DOC2B: variants seen among roughly 807,000 people sequenced by gnomAD.
DOC2B encodes the protein double C2 domain beta, also known as double C2-like domain-containing protein beta.
In DOC2B, 21 loss-of-function variants were observed where a neutral mutation model predicts 28.9. The observed-to-expected ratio is 0.73, with a 90% CI of 0.52 to 1.05. DOC2B has a LOEUF of 1.05. Among genes scored for constraint, DOC2B ranks in the 50% least tolerant of loss-of-function variants. The pLI is 0.00. For synonymous variants in DOC2B, 194 were observed against 178.1 expected, an observed-to-expected ratio of 1.09 and a Z score of -0.71; for missense variants, 384 against 421.1, an observed-to-expected ratio of 0.91 and a Z score of 0.77.
At position 172,606 on chromosome 17, in the gene DOC2B, G is replaced by A. The variant is rs1459369226; in HGVS notation, c.384C>T (p.Gly128=). ...CATACAGCAGGCTGAAGTCCAGCGT[G>A]CCCAGGGCAGCTGCGGACAGAGGAG... ...GYESDDCTAL[G]TLDFSLLYDQ... The change falls in exon 2 of 9, where the codon GGC becomes GGT. Residue 128 remains glycine, a synonymous_variant. Transcript: ENST00000613549. 4 of 1,550,626 alleles carry A rather than the reference G, an allele frequency of 2.6e-6. No homozygotes were observed. Among genetic ancestry groups the A allele is most frequent in the East Asian group, 2.4e-5 (1 of 40,916 alleles).
rs113389073 is a variant in DOC2B, at chr17:161,663, G to A, written c.639-122C>T. On this transcript the variant is annotated intron_variant, in intron 4 of 8. Transcript: ENST00000613549. ...CCCAAGCCCTGCCCTGGTCTGGGGT[G>A]GGAGACGCACAAGATGCCTGGGCCC... 5.8e-5 allele frequency: 85 copies of A among 1,466,832 alleles called. No homozygotes were observed. The African/African-American group carries it at 8.8e-4, about 15-fold the overall frequency. 90.9% of individuals were successfully genotyped at this position (1,466,832 alleles called of 1,614,324 possible). A position where few individuals can be genotyped will look rare whatever the true frequency, so the allele number is the denominator to read the frequency against.
intron 1 of DOC2B, among the ~76,000 whole-genome samples, chr17:175,770 T>C (rs2040363101): frequency 6.6e-6 from 1 of 151,972 alleles, no homozygotes. Context: ...GGCTGCCTGC[T>C]CCCCCTGGGA....
Position 172,663 on chromosome 17 carries a change from G to A in DOC2B, c.374-47C>T, listed in dbSNP as rs1054098698. On this transcript the variant is annotated intron_variant, in intron 1 of 8. Transcript: ENST00000613549. The stretch of plus-strand genomic sequence containing the variant: ...GGTCCCACCCTGGCCGCATCTTGGA[G>A]AGGCTTCGCCTGCCCCTGTGAGACC... 7.4e-6 allele frequency: 11 copies of A among 1,494,964 alleles called. 1 individual carries two copies. The Admixed American group carries it at 2.2e-4, about 30-fold the overall frequency. The allele number at this position is 1,494,964 out of a possible 1,614,324, so 92.6% of individuals were successfully genotyped here. A position where few individuals can be genotyped will look rare whatever the true frequency, so the allele number is the denominator to read the frequency against.
In DOC2B at chr17:144,079, G is replaced by GC. The variant is rs2040002668; in HGVS notation, c.*3361_*3362insG. On this transcript the variant is annotated 3_prime_UTR_variant, in exon 9 of 9. Coordinates refer to ENST00000613549, the MANE Select transcript of DOC2B (RefSeq NM_003585.5). ...TCGGGGATTGGCGCAGGCGGCGGGC[G>GC]GGGCGGCGGGCGGGGCGGCGGGCGG... is the stretch of plus-strand genomic sequence containing the variant. 4.9e-4 allele frequency: 5 copies of GC among 10,290 alleles called. No homozygotes were observed. The highest frequency in any genetic ancestry group is 3.2e-3 in the South Asian group (1 of 314). 0.6% of individuals were successfully genotyped at this position (10,290 alleles called of 1,614,324 possible). A position where few individuals can be genotyped will look rare whatever the true frequency, so the allele number is the denominator to read the frequency against.
chr17:147,882 C>T (rs1197910995), intron 8 of DOC2B, among the ~76,000 whole-genome samples: 3 of 152,214 alleles, frequency 2.0e-5, no homozygotes, highest in African/African-American at 4.8e-5. Context: ...CCACCAGGCC[C>T]ACTGGGAATT....
rs1351595810 is a variant in DOC2B at position 172,414 on chromosome 17, CA to C, written c.453+122del. The C allele has an allele frequency of 4.1e-6, 3 of 738,900 alleles. No individual in the cohort carries two copies. The African/African-American group carries it at 5.3e-5, about 13-fold the overall frequency. 45.8% of individuals were successfully genotyped at this position (738,900 alleles called of 1,614,324 possible). The stretch of plus-strand genomic sequence containing the variant: ...AATTCCTTCCTGGCCCCGCACCCCA[CA>C]CAGCGCAGACATCCAAAAGCCTGGA... On this transcript the variant is annotated intron_variant, in intron 2 of 8. Coordinates refer to ENST00000613549, the MANE Select transcript of DOC2B (RefSeq NM_003585.5).
intron 5 of DOC2B, among the ~76,000 whole-genome samples, chr17:159,877 GCA>G (rs908329258): frequency 6.6e-5 from 10 of 150,458 alleles, no homozygotes; most frequent in Non-Finnish European, 8.9e-5. Flanking sequence ...TCACACACGA[GCA>G]CACACACACA....
intron 1 of DOC2B, among the ~76,000 whole-genome samples, chr17:176,362 A>G (rs2040369805): frequency 6.9e-6 from 1 of 144,952 alleles, no homozygotes; most frequent in Admixed American, 7.1e-5. Flanking sequence ...TAAAAAATAT[A>G]TTTACAAAAA....
chr17:152,871 C>T (rs561721695), intron 6 of DOC2B, among the ~76,000 whole-genome samples: 18 of 152,330 alleles, frequency 1.2e-4, no homozygotes, highest in African/African-American at 4.1e-4. Context: ...CCGCTAGATA[C>T]GTCCCTCCCT....
chr17:157,996 G>A (rs2040155013), intron 5 of DOC2B, among the ~76,000 whole-genome samples: 1 of 152,188 alleles, frequency 6.6e-6, no homozygotes, highest in Non-Finnish European at 1.5e-5. Flanking sequence ...GCCTCTCAGG[G>A]TGCTGGATGT....
At chr17:154,389 G>T (rs1010498804) in intron 6 of DOC2B, among the ~76,000 whole-genome samples, 1 of 148,108 alleles carries the variant, frequency 6.8e-6, no homozygotes, top group Non-Finnish European at 1.5e-5. Context: ...CTCCTTCTTA[G>T]GGCTGATATT....
In DOC2B at chr17:144,148, C is replaced by CTTT. The variant is rs1177567945; in HGVS notation, c.*3290_*3292dup. 0.35 allele frequency: 51,360 copies of CTTT among 144,818 alleles called. 9,151 individuals carry two copies. The highest frequency in any genetic ancestry group is 0.39 in the Non-Finnish European group (25,743 of 66,086). The allele number at this position is 144,818 out of a possible 1,614,324, so 9.0% of individuals were successfully genotyped here. A position where few individuals can be genotyped will look rare whatever the true frequency, so the allele number is the denominator to read the frequency against. On this transcript the variant is annotated 3_prime_UTR_variant, in exon 9 of 9. Transcript: ENST00000613549. ...GCCTGGTTACTGACACCTGGAATGA[C>CTTT]TTTTTTTTTTTGGCATCAGATTTCC...
chr17:145,006 G>A lies in DOC2B; in HGVS notation c.*2435C>T, dbSNP rs1393304229. 6.6e-6 allele frequency: 1 copy of A among 152,198 alleles called. No homozygotes were observed. Among genetic ancestry groups the A allele is most frequent in the East Asian group, 1.9e-4 (1 of 5,190 alleles). The allele number at this position is 152,198 out of a possible 1,614,324, so 9.4% of individuals were successfully genotyped here. The stretch of plus-strand genomic sequence containing the variant: ...TACCCAGAGCTTAACTAGACACCAG[G>A]CCTTTTAGAAATAGACCACCTCTTA... On this transcript the variant is annotated 3_prime_UTR_variant, in exon 9 of 9. Transcript: ENST00000613549.
intron 2 of DOC2B, among the ~76,000 whole-genome samples, chr17:166,614 A>G (rs1022079098): frequency 6.6e-6 from 1 of 152,170 alleles, no homozygotes; most frequent in Admixed American, 6.5e-5. Flanking sequence ...TTCTTGACGT[A>G]GTGAATACGT....
chr17:143,722 A>AT lies in DOC2B; in HGVS notation c.*3718dup, dbSNP rs2039999179. ...AATATGACGTTTCCATTTACTTTGG[A>AT]TTATATGTCATTATAAATATTAACA... is the stretch of plus-strand genomic sequence containing the variant. On this transcript the variant is annotated 3_prime_UTR_variant, in exon 9 of 9. Coordinates refer to ENST00000613549, the MANE Select transcript of DOC2B (RefSeq NM_003585.5). 6.6e-6 allele frequency: 1 copy of AT among 152,022 alleles called. No homozygotes were observed. Among genetic ancestry groups the AT allele is most frequent in the East Asian group, 1.9e-4 (1 of 5,200 alleles). 9.4% of individuals were successfully genotyped at this position (152,022 alleles called of 1,614,324 possible).
In DOC2B at chr17:144,777, T is replaced by G. The variant is rs2040007908; in HGVS notation, c.*2664A>C. 6.6e-6 allele frequency: 1 copy of G among 152,194 alleles called. No homozygotes were observed. Among genetic ancestry groups the G allele is most frequent in the Non-Finnish European group, 1.5e-5 (1 of 68,056 alleles). 9.4% of individuals were successfully genotyped at this position (152,194 alleles called of 1,614,324 possible). On this transcript the variant is annotated 3_prime_UTR_variant, in exon 9 of 9. Transcript: ENST00000613549. Reference sequence around the variant, plus strand: ...AGTAGAGGGCCCTGGACTGGGGGGCTGGAGTTCTGGGTTCTTGTCCCAGCT... The same window carrying G: ...AGTAGAGGGCCCTGGACTGGGGGGCGGGAGTTCTGGGTTCTTGTCCCAGCT...
At chr17:175,181 TGA>T (rs2040355731) in intron 1 of DOC2B, among the ~76,000 whole-genome samples, 2 of 152,288 alleles carry the variant, frequency 1.3e-5, no homozygotes, top group South Asian at 4.1e-4. Context: ...GAGGCTACAG[TGA>T]GTGTGATTGT....
intron 1 of DOC2B, among the ~76,000 whole-genome samples, chr17:173,279 C>A (rs889698770): frequency 6.6e-6 from 1 of 152,142 alleles, no homozygotes; most frequent in Non-Finnish European, 1.5e-5. Context: ...CCTCCCTCCC[C>A]GGGGGCAATC....
At chr17:180,555 C>G (rs2040428446) in intron 1 of DOC2B, among the ~76,000 whole-genome samples, 1 of 152,120 alleles carries the variant, frequency 6.6e-6, no homozygotes, top group Admixed American at 6.5e-5. Flanking sequence ...TCCTGGTCCT[C>G]TGCTCGCGCG....
Sources: allele counts gnomAD v4.1 joint callset (sites outside exome capture counted in the v4.1 genomes callset), GRCh38; gene constraint gnomAD v4.1.1; transcripts MANE v1.5; gene names NCBI Gene and HGNC (gene_info 2026-07-23, HGNC 2026-07-21).